The following FHIT variants were observed in gnomAD, a reference collection of about 807,000 sequenced individuals.
FHIT encodes the protein fragile histidine triad diadenosine triphosphatase, also known as bis(5'-adenosyl)-triphosphatase.
In FHIT, 19 loss-of-function variants were observed where a neutral mutation model predicts 17.9. The observed-to-expected ratio is 1.06, with a 90% CI of 0.74 to 1.56. The LOEUF (loss-of-function observed/expected upper bound fraction) is 1.56, where lower values mean the gene tolerates loss of function less well. FHIT is among the 40% of genes most tolerant of loss of function. FHIT has a pLI of 0.00. For synonymous variants in FHIT, 81 were observed against 69.7 expected (o/e 1.16, Z -0.81); for missense variants, 248 against 189.2 (o/e 1.31, Z -1.82).
chr3:60,097,146 A>G (rs1703986187), intron 5 of FHIT, among the ~76,000 whole-genome samples: 1 of 151,916 alleles, frequency 6.6e-6, no homozygotes, highest in African/African-American at 2.4e-5. Flanking sequence ...CCCATTGGCC[A>G]GCACCCCCAA....
intron 7 of FHIT, among the ~76,000 whole-genome samples, chr3:59,935,414 C>A (rs1706186098): frequency 6.6e-6 from 1 of 152,086 alleles, no homozygotes; most frequent in Admixed American, 6.6e-5. Flanking sequence ...AATGCCACCT[C>A]CTTTGTGTAC....
At chr3:61,203,398 A>C (rs2039096472) in intron 1 of FHIT, among the ~76,000 whole-genome samples, 1 of 152,110 alleles carries the variant, frequency 6.6e-6, no homozygotes, top group Non-Finnish European at 1.5e-5. Flanking sequence ...CTAACATTCA[A>C]GAATGATAGA....
At chr3:59,853,842 T>A (rs1029043473) in intron 8 of FHIT, among the ~76,000 whole-genome samples, 3 of 152,118 alleles carry the variant, frequency 2.0e-5, no homozygotes, top group Admixed American at 2.0e-4. Flanking sequence ...ATTATACTTA[T>A]TGAGAGTCTA....
At chr3:60,368,667 A>G (rs1700204838) in intron 5 of FHIT, among the ~76,000 whole-genome samples, 1 of 151,856 alleles carries the variant, frequency 6.6e-6, no homozygotes. Context: ...GAAGGTTTTT[A>G]TTTTAATGAA....
At chr3:60,390,095 T>G (rs970749877) in intron 5 of FHIT, among the ~76,000 whole-genome samples, 1 of 152,180 alleles carries the variant, frequency 6.6e-6, no homozygotes, top group East Asian at 1.9e-4. Context: ...CTTTGAATAA[T>G]ACCAAAGAAA....
chr3:61,069,562 C>T (rs531786090), intron 2 of FHIT, among the ~76,000 whole-genome samples: 1 of 152,266 alleles, frequency 6.6e-6, no homozygotes, highest in South Asian at 2.1e-4. Flanking sequence ...GTATTGTTCT[C>T]TGTATTTTAA....
intron 4 of FHIT, among the ~76,000 whole-genome samples, chr3:60,820,176 C>A (rs781814232): frequency 1.3e-5 from 2 of 151,768 alleles, no homozygotes; most frequent in Non-Finnish European, 2.9e-5. Context: ...GGCCTGGTGG[C>A]GGGCGCTTGT....
chr3:60,654,887 T>A (rs186264848), intron 4 of FHIT, among the ~76,000 whole-genome samples: 1 of 151,002 alleles, frequency 6.6e-6, no homozygotes, highest in Non-Finnish European at 1.5e-5. Context: ...TGACCGAGAA[T>A]GGAAAGTGGA....
intron 4 of FHIT, among the ~76,000 whole-genome samples, chr3:60,718,976 A>T (rs951820618): frequency 1.3e-4 from 20 of 152,160 alleles, no homozygotes; most frequent in African/African-American, 4.6e-4. Context: ...ATTGATACAG[A>T]CAGGTCAAAC....
intron 3 of FHIT, among the ~76,000 whole-genome samples, chr3:60,907,422 A>G (rs1706488385): frequency 6.6e-6 from 1 of 152,266 alleles, no homozygotes; most frequent in South Asian, 2.1e-4. Context: ...CCAAAGAGAC[A>G]AAATAACTAA....
At chr3:61,184,800 C>G (rs2038454495) in intron 2 of FHIT, among the ~76,000 whole-genome samples, 1 of 152,124 alleles carries the variant, frequency 6.6e-6, no homozygotes, top group Non-Finnish European at 1.5e-5. Flanking sequence ...AAGAGGTGGC[C>G]TCTAGACCTC....
intron 2 of FHIT, among the ~76,000 whole-genome samples, chr3:61,118,422 A>G (rs1010595425): frequency 2.6e-5 from 4 of 152,006 alleles, no homozygotes; most frequent in Non-Finnish European, 5.9e-5. Flanking sequence ...ACGAAAGACA[A>G]TCCTAACACT....
At chr3:60,807,544 T>C (rs1015941406) in intron 4 of FHIT, among the ~76,000 whole-genome samples, 7 of 152,138 alleles carry the variant, frequency 4.6e-5, no homozygotes, top group African/African-American at 1.4e-4. Context: ...GCCATGATTG[T>C]GCCACTGCAC....
Position 60,631,026 on chromosome 3 carries a change from G to A in FHIT, c.-17-94047C>T, listed in dbSNP as rs142890781. Among the ~76,000 whole-genome samples, 1,147 of 150,934 alleles carry A rather than the reference G, an allele frequency of 7.6e-3. 5 individuals are homozygous for A. Among genetic ancestry groups the A allele is most frequent in the Admixed American group, 0.011 (168 of 15,120 alleles). ...CTTGGTATCAGCTTTGAGACACCTG[G>A]CCAAGTACAGCCTGTGCTAAGTTTC... is the stretch of plus-strand genomic sequence containing the variant. On this transcript the variant is annotated intron_variant, in intron 4 of 9. Coordinates refer to ENST00000492590, the MANE Select transcript of FHIT (RefSeq NM_002012.4).
chr3:59,831,082 A>T (rs1188389220), intron 8 of FHIT, among the ~76,000 whole-genome samples: 1 of 152,146 alleles, frequency 6.6e-6, no homozygotes, highest in Non-Finnish European at 1.5e-5. Flanking sequence ...GTAAAATGGG[A>T]GGCTATAACC....
intron 3 of FHIT, among the ~76,000 whole-genome samples, chr3:61,002,734 A>C (rs2031181576): frequency 6.6e-6 from 1 of 152,034 alleles, no homozygotes; most frequent in Admixed American, 6.6e-5. Flanking sequence ...AATCGTAATA[A>C]AATTCTAGGT....
At chr3:60,014,882 C>G (rs1700282328) in intron 5 of FHIT, among the ~76,000 whole-genome samples, 1 of 152,050 alleles carries the variant, frequency 6.6e-6, no homozygotes. Flanking sequence ...AACGTATTTA[C>G]ACTATTGGTC....
rs78044794 is a variant in FHIT, at chr3:61,129,658, G to C, written c.-164+70959C>G. On this transcript the variant is annotated intron_variant, in intron 2 of 9. Transcript: ENST00000492590. ...AAGATCTTCGAAGCTTAGAGAAACT[G>C]AATTGAATCAGGAGGTGAAAATCTT... 2.6e-3 allele frequency among the ~76,000 whole-genome samples: 401 copies of C among 152,256 alleles called. 3 individuals are homozygous for C. The highest frequency in any genetic ancestry group is 9.3e-3 in the African/African-American group (388 of 41,552).
At chr3:60,743,156 C>T (rs1163828905) in intron 4 of FHIT, among the ~76,000 whole-genome samples, 1 of 152,202 alleles carries the variant, frequency 6.6e-6, no homozygotes, top group African/African-American at 2.4e-5. Context: ...AGCTGGGCAA[C>T]TGGCTGAGGT....
Sources: gnomAD v4.1 joint callset for allele counts (sites outside exome capture counted in the v4.1 genomes callset) on GRCh38, gnomAD v4.1.1 for gene constraint, MANE v1.5 for transcripts, NCBI Gene and HGNC (gene_info 2026-07-23, HGNC 2026-07-21) for gene names.